NRXN3: variants seen among roughly 807,000 people sequenced by gnomAD.
The protein encoded by NRXN3 is neurexin III.
In NRXN3, 32 loss-of-function variants were observed where a neutral mutation model predicts 137.6. The ratio of observed to expected loss-of-function variants is 0.23; its 90% CI spans 0.18 to 0.31. NRXN3 has a LOEUF of 0.31. NRXN3 is among the 10% of genes least tolerant of loss of function. The pLI, the probability that NRXN3 is intolerant of heterozygous loss-of-function variation, is 1.00. For missense variants in NRXN3, 1,574 were observed against 2,062.5 expected, an observed-to-expected ratio of 0.76 and a Z score of 4.59; for synonymous variants, 798 against 784.5, an observed-to-expected ratio of 1.02 and a Z score of -0.29.
chr14:78,471,896 A>C (rs1053420511), intron 4 of NRXN3, among the ~76,000 whole-genome samples: 1 of 152,224 alleles, frequency 6.6e-6, no homozygotes, highest in Non-Finnish European at 1.5e-5. Flanking sequence ...CACAAAGAGA[A>C]GCTGGGTGGA....
At chr14:79,739,908 T>C (rs2098955240) in intron 19 of NRXN3, among the ~76,000 whole-genome samples, 1 of 152,198 alleles carries the variant, frequency 6.6e-6, no homozygotes, top group African/African-American at 2.4e-5. Context: ...TCCTTTTCCA[T>C]GCTATCACTT....
chr14:79,289,674 C>T (rs1457580832), intron 15 of NRXN3, among the ~76,000 whole-genome samples: 2 of 152,086 alleles, frequency 1.3e-5, no homozygotes, highest in African/African-American at 4.8e-5. Context: ...GCTTTGTGTG[C>T]CAAGGTAGGG....
chr14:78,954,258 A>G lies in NRXN3; in HGVS notation c.2276-2984A>G, dbSNP rs1245279813. 3.9e-5 allele frequency among the ~76,000 whole-genome samples: 6 copies of G among 152,170 alleles called. No homozygotes were observed. In the East Asian group the frequency reaches 1.2e-3, roughly 29 times the overall value. On this transcript the variant is annotated intron_variant, in intron 10 of 20. Transcript: ENST00000335750. ...TTTGACTTGATTAAGGATAAATGCC[A>G]TTGACTCTCCACTTCTGGAGGCCAA...
At chr14:78,741,954 A>G (rs968227658) in intron 8 of NRXN3, among the ~76,000 whole-genome samples, 1 of 152,138 alleles carries the variant, frequency 6.6e-6, no homozygotes, top group Non-Finnish European at 1.5e-5. Flanking sequence ...ACTGGACTAA[A>G]TGCCTTAAAA....
intron 4 of NRXN3, among the ~76,000 whole-genome samples, chr14:78,528,877 T>C (rs2153809634): frequency 6.6e-6 from 1 of 152,282 alleles, no homozygotes; most frequent in South Asian, 2.1e-4. Context: ...ATTCTTTTGG[T>C]ACCCCCTTAA....
intron 4 of NRXN3, among the ~76,000 whole-genome samples, chr14:78,595,406 G>A (rs1399201979): frequency 3.3e-5 from 5 of 152,202 alleles, no homozygotes; most frequent in Non-Finnish European, 7.3e-5. Flanking sequence ...ACTCGTGGGA[G>A]TAAGGTCGCC....
chr14:79,087,119 C>T (rs1371481284), intron 15 of NRXN3, among the ~76,000 whole-genome samples: 1 of 152,120 alleles, frequency 6.6e-6, no homozygotes, highest in African/African-American at 2.4e-5. Flanking sequence ...CCTGGCCTGT[C>T]CCTTGGAACA....
chr14:78,243,611 A>C lies in NRXN3; in HGVS notation c.518A>C (p.Lys173Thr), dbSNP rs781163185. The C allele has an allele frequency of 6.3e-7, 1 of 1,598,440 alleles. No individual in the cohort carries two copies. Among genetic ancestry groups the C allele is most frequent in the South Asian group, 1.1e-5 (1 of 91,080 alleles). ...GGAGTTCAGGCCATGCCCGGCTTCA[A>C]GGGGTTAATTCTGGATCTCAAGTAT... ...LDGVQAMPGFKGLILDLKYGN... is the reference protein window; with the variant it reads ...LDGVQAMPGFTGLILDLKYGN... Residue 173 changes from lysine (K) to threonine (T), a missense_variant, in exon 2 of 21, where the codon AAG (lysine) becomes ACG (threonine). By Grantham distance (78) the Lys-to-Thr change is moderately conservative. Transcript: ENST00000335750. This position sits in a 1 kb window ranked among gnomAD's most constrained non-coding sequence, Gnocchi z 4.2.
rs76918040 is a variant in NRXN3 at position 78,527,999 on chromosome 14, C to T, written c.758-117121C>T. ...AAGAAAAGCAGACAACTGTCTGCTG[C>T]TTAGCATATCCATGAGTGTGTTAAT... On this transcript the variant is annotated intron_variant, in intron 4 of 20. Transcript: ENST00000335750. Among the ~76,000 whole-genome samples, 718 of 152,324 alleles carry T rather than the reference C, an allele frequency of 4.7e-3. 42 individuals carry two copies. The East Asian group carries it at 0.095, about 20-fold the overall frequency.
At chr14:78,456,958 G>T (rs1002325204) in intron 4 of NRXN3, among the ~76,000 whole-genome samples, 1 of 124,340 alleles carries the variant, frequency 8.0e-6, no homozygotes, top group African/African-American at 3.2e-5. Flanking sequence ...TCCCTTCCTT[G>T]CTTCCTTCCT....
intron 10 of NRXN3, among the ~76,000 whole-genome samples, chr14:78,879,684 C>A (rs1462194364): frequency 6.6e-6 from 1 of 152,158 alleles, no homozygotes; most frequent in Non-Finnish European, 1.5e-5. Flanking sequence ...AAGCTTAATT[C>A]CCTGTCCTAA....
At chr14:78,679,162 C>A (rs1287863574) in intron 6 of NRXN3, among the ~76,000 whole-genome samples, 1 of 152,146 alleles carries the variant, frequency 6.6e-6, no homozygotes, top group Non-Finnish European at 1.5e-5. Context: ...AAAATACATT[C>A]ATTTTTTACC....
At chr14:78,513,254 A>C (rs2096142479) in intron 4 of NRXN3, among the ~76,000 whole-genome samples, 1 of 152,158 alleles carries the variant, frequency 6.6e-6, no homozygotes, top group Non-Finnish European at 1.5e-5. Flanking sequence ...TATTGTATTT[A>C]TTAGGAGTAT....
At chr14:78,987,984 C>G in intron 14 of NRXN3, 38 bp from the exon 15 acceptor site, 5 of 1,592,458 alleles carry the variant, frequency 3.1e-6, no homozygotes, top group Non-Finnish European at 4.3e-6. Context: ...TTCTCTCTCT[C>G]CTTTTTCTTT....
At chr14:78,210,365 A>G (rs973434794) in intron 1 of NRXN3, among the ~76,000 whole-genome samples, 1 of 152,114 alleles carries the variant, frequency 6.6e-6, no homozygotes, top group Non-Finnish European at 1.5e-5. Context: ...TCGTGACCCA[A>G]TCACCTCCCA....
chr14:79,613,686 C>A (rs901378467), intron 16 of NRXN3, among the ~76,000 whole-genome samples: 37 of 152,350 alleles, frequency 2.4e-4, no homozygotes, highest in African/African-American at 7.7e-4. Flanking sequence ...CCAATGCACA[C>A]ACATACTTAC....
chr14:78,557,644 T>C (rs567472775), intron 4 of NRXN3, among the ~76,000 whole-genome samples: 1 of 152,360 alleles, frequency 6.6e-6, no homozygotes, highest in South Asian at 2.1e-4. Context: ...CACTGTGCTT[T>C]TACGTCTCCT....
At chr14:78,223,935 A>G (rs952133798) in intron 1 of NRXN3, among the ~76,000 whole-genome samples, 6 of 152,190 alleles carry the variant, frequency 3.9e-5, no homozygotes. Context: ...CGTATTGAGA[A>G]TGGCCATGGA....
At chr14:79,727,188 C>A (rs1426271362) in intron 19 of NRXN3, among the ~76,000 whole-genome samples, 1 of 152,154 alleles carries the variant, frequency 6.6e-6, no homozygotes, top group Non-Finnish European at 1.5e-5. Flanking sequence ...CTTTTCTTAG[C>A]ATTTGCTGCT....
Sources: gnomAD v4.1 joint callset for allele counts (sites outside exome capture counted in the v4.1 genomes callset) on GRCh38, gnomAD v4.1.1 for gene constraint, Gnocchi (gnomAD v3.1) non-coding constraint, MANE v1.5 for transcripts, NCBI Gene and HGNC (gene_info 2026-07-23, HGNC 2026-07-21) for gene names.